Variants in ALPK2 observed in about 807,000 individuals in gnomAD.
The protein encoded by ALPK2 is alpha kinase 2, also known as alpha-protein kinase 2.
Under a neutral mutation model 163.1 loss-of-function variants are expected in ALPK2, and 127 were observed. The observed-to-expected ratio is 0.78, with a 90% CI of 0.67 to 0.90. The LOEUF (loss-of-function observed/expected upper bound fraction) is 0.90. ALPK2 is among the 40% of genes least tolerant of loss of function. The pLI is 0.00. For synonymous variants in ALPK2, 953 were observed against 959.1 expected, an observed-to-expected ratio of 0.99 and a Z score of 0.12; for missense variants, 2,360 against 2,589.6, an observed-to-expected ratio of 0.91 and a Z score of 1.92.
chr18:58,569,012 G>A (rs555019309), intron 4 of ALPK2, among the ~76,000 whole-genome samples: 1 of 152,194 alleles, frequency 6.6e-6, no homozygotes, highest in South Asian at 2.1e-4. Context: ...CCAGGAGTTC[G>A]AGACCATCCT....
chr18:58,554,820 C>G (rs1770681201), intron 4 of ALPK2, among the ~76,000 whole-genome samples: 1 of 152,050 alleles, frequency 6.6e-6, no homozygotes, highest in South Asian at 2.1e-4. Flanking sequence ...TCCCATAATC[C>G]CCATGTATTG....
At chr18:58,613,665 C>T (rs1386494760) in intron 1 of ALPK2, among the ~76,000 whole-genome samples, 1 of 149,706 alleles carries the variant, frequency 6.7e-6, no homozygotes, top group African/African-American at 2.5e-5. Context: ...CGCCACTGCA[C>T]TCCAGCCTGG....
Position 58,535,109 on chromosome 18 carries a change from G to GCT in ALPK2, c.5076_5077dup (p.Ala1693GlufsTer14). ...GGTCCCTGGCGATTTGCCTGCTCGG[G>GCT]CTTCCAGGGACTTCTCTCTCTCCCT... On this transcript the variant is annotated frameshift_variant, in exon 5 of 13. Coordinates refer to ENST00000361673, the MANE Select transcript of ALPK2 (RefSeq NM_052947.4). 1 of 1,614,056 alleles carries GCT rather than the reference G, an allele frequency of 6.2e-7. No individual in the cohort carries two copies. The highest frequency in any genetic ancestry group is 1.1e-5 in the South Asian group (1 of 91,068).
rs139563639 is a variant in ALPK2 at position 58,518,804 on chromosome 18, A to T, written c.5666-1622T>A. Among the ~76,000 whole-genome samples the T allele has an allele frequency of 4.0e-3, 608 of 152,028 alleles. 3 individuals carry two copies. The highest frequency in any genetic ancestry group is 6.8e-3 in the Middle Eastern group (2 of 294). On this transcript the variant is annotated intron_variant, in intron 8 of 12. Transcript: ENST00000361673. Reference sequence around the variant, plus strand: ...TTTCCACAAGCTACTGCCCTTACCTACTCAAAGTCCTTCCCTCTGCCCTGT... The same window carrying T: ...TTTCCACAAGCTACTGCCCTTACCTTCTCAAAGTCCTTCCCTCTGCCCTGT...
chr18:58,497,297 T>C (rs879551861), intron 12 of ALPK2, among the ~76,000 whole-genome samples: 7 of 152,186 alleles, frequency 4.6e-5, no homozygotes, highest in Non-Finnish European at 8.8e-5. Flanking sequence ...TTACAGATGG[T>C]CTTAGTACGT....
At chr18:58,599,157 A>G (rs1015334761) in intron 3 of ALPK2, among the ~76,000 whole-genome samples, 2 of 152,188 alleles carry the variant, frequency 1.3e-5, no homozygotes, top group African/African-American at 4.8e-5. Context: ...AACCTGGCCT[A>G]TAACCATTCA....
At chr18:58,489,041 G>C (rs146738893) in intron 12 of ALPK2, among the ~76,000 whole-genome samples, 332 of 152,316 alleles carry the variant, frequency 2.2e-3, no homozygotes, top group Non-Finnish European at 3.8e-3. Context: ...CCCAAAAGCG[G>C]CCATCTTGGA....
Position 58,537,026 on chromosome 18 carries a change from T to C in ALPK2, c.3161A>G (p.Gln1054Arg), listed in dbSNP as rs1037254677. The C allele has an allele frequency of 5.0e-6, 8 of 1,613,764 alleles. No homozygotes were observed. The African/African-American group carries it at 1.1e-4, about 22-fold the overall frequency. ...SHEKVSQFPS[Q>R]VQLDHILSGA... ...ACTTAAAATATGATCCAACTGCACT[T>C]GGGAAGGAAATTGGGAAACCTTTTC... Residue 1054 changes from glutamine to arginine, a missense_variant, in exon 5 of 13, where the codon CAA becomes CGA. By Grantham distance (43) the Gln-to-Arg change is conservative. Transcript: ENST00000361673.
chr18:58,483,663 G>C (rs933610651), intron 12 of ALPK2, among the ~76,000 whole-genome samples: 1 of 151,272 alleles, frequency 6.6e-6, no homozygotes, highest in Non-Finnish European at 1.5e-5. Context: ...TGATTCTCCT[G>C]CCTCAGCCTC....
chr18:58,616,166 C>G (rs542194979), intron 1 of ALPK2, among the ~76,000 whole-genome samples: 1 of 152,278 alleles, frequency 6.6e-6, no homozygotes, highest in African/African-American at 2.4e-5. Flanking sequence ...GCTGGATTTG[C>G]CTTTTTTCTT....
At chr18:58,574,305 C>T (rs925073098) in intron 4 of ALPK2, among the ~76,000 whole-genome samples, 1 of 151,096 alleles carries the variant, frequency 6.6e-6, no homozygotes, top group Non-Finnish European at 1.5e-5. Context: ...AAAAATCAGC[C>T]GGGTGTGGTG....
intron 4 of ALPK2, among the ~76,000 whole-genome samples, chr18:58,559,229 C>T (rs2051811315): frequency 6.6e-6 from 1 of 152,182 alleles, no homozygotes; most frequent in South Asian, 2.1e-4. Context: ...TTTTTGATAG[C>T]CACAACTGGG....
intron 5 of ALPK2, among the ~76,000 whole-genome samples, chr18:58,530,447 C>T (rs573601402): frequency 6.6e-5 from 10 of 152,298 alleles, no homozygotes; most frequent in African/African-American, 2.2e-4. Flanking sequence ...AAGCTGAGAC[C>T]GTGTTCAGGT....
intron 4 of ALPK2, among the ~76,000 whole-genome samples, chr18:58,556,514 C>T (rs1356447456): frequency 2.0e-5 from 3 of 151,292 alleles, no homozygotes; most frequent in Admixed American, 6.6e-5. Context: ...GCCCAGGCAC[C>T]GTGCATTTCT....
chr18:58,485,236 T>G (rs2051332560), intron 12 of ALPK2, among the ~76,000 whole-genome samples: 1 of 152,218 alleles, frequency 6.6e-6, no homozygotes, highest in Non-Finnish European at 1.5e-5. Flanking sequence ...TCTGTAATGC[T>G]GGCATGTTGC....
rs7240355 is a variant in ALPK2, at chr18:58,535,162, C to T, written c.5025G>A (p.Lys1675=). The change falls in exon 5 of 13, where the codon AAG becomes AAA. Residue 1675 remains lysine (K), a synonymous_variant. Transcript: ENST00000361673. The part of the protein sequence containing the change: ...APKLLQDPCQ[K]GTLGCAKKSR... The stretch of plus-strand genomic sequence containing the variant: ...ACTTTTTCGCACAGCCCAGGGTGCC[C>T]TTTTGACATGGATCCTGCAGTAATT... 199,589 of 1,613,940 alleles carry T rather than the reference C, an allele frequency of 0.12. 13,321 individuals carry two copies. The highest frequency in any genetic ancestry group is 0.15 in the Middle Eastern group (915 of 6,062).
At chr18:58,495,470 G>A (rs1035281615) in intron 12 of ALPK2, among the ~76,000 whole-genome samples, 7 of 152,076 alleles carry the variant, frequency 4.6e-5, no homozygotes, top group East Asian at 1.9e-4. Flanking sequence ...CAGCTGTCCC[G>A]GGCCAGATAA....
chr18:58,568,361 A>G (rs1274037014), intron 4 of ALPK2, among the ~76,000 whole-genome samples: 1 of 152,204 alleles, frequency 6.6e-6, no homozygotes, highest in Non-Finnish European at 1.5e-5. Flanking sequence ...TCCCCAAGAA[A>G]GTACATCACA....
chr18:58,611,714 G>A lies in ALPK2; in HGVS notation c.84C>T (p.Asp28=), dbSNP rs542206246. ...CAGATATTATGCAGCGAAGCACAGC[G>A]TCTGACTTCTCAGGAACCTTCTGGG... ...LLSQKVPEKS[D]AVLRCIISGQ... The change falls in exon 2 of 13, where the codon GAC becomes GAT. Residue 28 remains aspartate, a synonymous_variant. Transcript: ENST00000361673. 84 of 1,613,128 alleles carry A rather than the reference G, an allele frequency of 5.2e-5. No homozygotes were observed. In the Admixed American group the frequency reaches 7.2e-4, roughly 14 times the overall value.
Sources: gnomAD v4.1 joint callset for allele counts (sites outside exome capture counted in the v4.1 genomes callset) on GRCh38, gnomAD v4.1.1 for gene constraint, MANE v1.5 for transcripts, NCBI Gene and HGNC (gene_info 2026-07-23, HGNC 2026-07-21) for gene names.